Variants in SHISA9 observed in about 807,000 individuals in gnomAD.
The protein encoded by SHISA9 is protein shisa-9.
SHISA9 carries 13 observed loss-of-function variants against 38.0 expected under a neutral mutation model. The observed-to-expected ratio is 0.34, with a 90% CI of 0.22 to 0.54. The LOEUF (loss-of-function observed/expected upper bound fraction) is 0.54, where lower values mean the gene tolerates loss of function less well. SHISA9 is among the 20% of genes least tolerant of loss of function. The pLI, the probability that SHISA9 is intolerant of heterozygous loss-of-function variation, is 0.91. For synonymous variants in SHISA9, 275 were observed against 242.0 expected (o/e 1.14, Z -1.27); for missense variants, 538 against 575.8 (o/e 0.93, Z 0.67).
chr16:13,358,553 A>C, the SHISA9 span, among the ~76,000 whole-genome samples: 4 of 152,186 alleles, frequency 2.6e-5, no homozygotes, highest in Non-Finnish European at 4.4e-5. Context: ...CAATTCCTCT[A>C]TCTCTTCCCA....
At chr16:13,221,227 C>A (rs1358098952) in intron 4 of SHISA9, among the ~76,000 whole-genome samples, 1 of 152,166 alleles carries the variant, frequency 6.6e-6, no homozygotes, top group Non-Finnish European at 1.5e-5. Flanking sequence ...GCAGCCTCCG[C>A]TACTTGTGTC....
intron 2 of SHISA9, among the ~76,000 whole-genome samples, chr16:13,109,431 T>C (rs1365038542): frequency 1.3e-5 from 2 of 152,204 alleles, no homozygotes; most frequent in African/African-American, 2.4e-5. Context: ...TGCTCAGGGA[T>C]GGGCTGGTGG....
the SHISA9 span, among the ~76,000 whole-genome samples, chr16:13,545,800 T>C: frequency 4.6e-5 from 7 of 152,160 alleles, no homozygotes; most frequent in African/African-American, 1.7e-4. Flanking sequence ...CCGGTCCCGA[T>C]CCGCTTCTAC....
chr16:13,350,941 A>G, the SHISA9 span, among the ~76,000 whole-genome samples: 1 of 152,194 alleles, frequency 6.6e-6, no homozygotes, highest in Non-Finnish European at 1.5e-5. Flanking sequence ...TGAAGCCCGC[A>G]ATATTTTCTA....
intron 2 of SHISA9, among the ~76,000 whole-genome samples, chr16:13,126,225 C>T (rs2050255210): frequency 6.6e-6 from 1 of 152,178 alleles, no homozygotes; most frequent in Non-Finnish European, 1.5e-5. Flanking sequence ...GAAGCCTTCC[C>T]TGGGGCCCTC....
At chr16:13,440,702 G>A in the SHISA9 span, among the ~76,000 whole-genome samples, 175 of 152,278 alleles carry the variant, frequency 1.1e-3, 3 homozygotes, top group East Asian at 0.01. Context: ...GCCGAGGCGG[G>A]CGGATCACGA....
intron 2 of SHISA9, among the ~76,000 whole-genome samples, chr16:13,086,774 A>C (rs2073715157): frequency 6.6e-6 from 1 of 152,226 alleles, no homozygotes; most frequent in African/African-American, 2.4e-5. Flanking sequence ...ATTCTAATAC[A>C]TTATAAGGAA....
chr16:12,970,638 G>A lies in SHISA9; in HGVS notation c.691+53823G>A, dbSNP rs369722582. Among the ~76,000 whole-genome samples, 69 of 144,300 alleles carry A rather than the reference G, an allele frequency of 4.8e-4. No homozygotes were observed. In the South Asian group the frequency reaches 0.014, roughly 30 times the overall value. 94.7% of individuals were successfully genotyped at this position (144,300 alleles called of 152,430 possible). On this transcript the variant is annotated intron_variant, in intron 2 of 4. Transcript: ENST00000558583. ...TGATTCTCCTGCCTCAGCCTCCCAA[G>A]TAGCTGGAACTATAGGCACACACCA...
rs1270713631 is a variant in SHISA9, at chr16:12,907,600, C to G, written c.563+4973C>G. Among the ~76,000 whole-genome samples, 4 of 152,170 alleles carry G rather than the reference C, an allele frequency of 2.6e-5. 1 individual carries two copies. The South Asian group carries it at 8.3e-4, about 32-fold the overall frequency. The stretch of plus-strand genomic sequence containing the variant: ...GACATCCAGTCATTTAAAAATTTCT[C>G]ACTCGCACAAAAACAGGTCTTTCAG... On this transcript the variant is annotated intron_variant, in intron 1 of 4. Coordinates refer to ENST00000558583, the MANE Select transcript of SHISA9 (RefSeq NM_001145204.3).
chr16:13,443,723 C>T, the SHISA9 span, among the ~76,000 whole-genome samples: 49 of 152,304 alleles, frequency 3.2e-4, 1 homozygote, highest in South Asian at 4.6e-3. Context: ...CTATGACACA[C>T]CTGGGAAAGA....
rs572066712 is a variant in SHISA9, at chr16:12,908,314, G to T, written c.563+5687G>T. On this transcript the variant is annotated intron_variant, in intron 1 of 4. Coordinates refer to ENST00000558583, the MANE Select transcript of SHISA9 (RefSeq NM_001145204.3). ...TTGCATTTGAATCTGAGTGGGAGGGGCTGGCAGGTGCAGAATAGGAGGGAG... is the reference window on the plus strand; with the variant it reads ...TTGCATTTGAATCTGAGTGGGAGGGTCTGGCAGGTGCAGAATAGGAGGGAG... Among the ~76,000 whole-genome samples the T allele has an allele frequency of 1.8e-4, 27 of 152,290 alleles. No individual in the cohort carries two copies. In the South Asian group the frequency reaches 4.4e-3, roughly 25 times the overall value.
chr16:13,280,742 C>T, the SHISA9 span, among the ~76,000 whole-genome samples: 1 of 151,522 alleles, frequency 6.6e-6, no homozygotes. Flanking sequence ...TGTATCATAC[C>T]CACCCTTTAA....
the SHISA9 span, among the ~76,000 whole-genome samples, chr16:13,263,518 C>T: frequency 6.6e-6 from 1 of 152,306 alleles, no homozygotes; most frequent in Non-Finnish European, 1.5e-5. Flanking sequence ...TACCTCTTTG[C>T]CTTCTGCCAT....
chr16:13,203,147 T>C (rs1273867926), intron 2 of SHISA9: 7 of 357,584 alleles, frequency 2.0e-5, no homozygotes, highest in Admixed American at 9.2e-5. Flanking sequence ...CTTAACATGT[T>C]AGTTTAACAT....
chr16:13,562,503 A>C, the SHISA9 span, among the ~76,000 whole-genome samples: 1 of 151,818 alleles, frequency 6.6e-6, no homozygotes, highest in Non-Finnish European at 1.5e-5. Flanking sequence ...GGTGGCAGGC[A>C]CCTGTAGTCC....
the SHISA9 span, among the ~76,000 whole-genome samples, chr16:13,346,986 G>T: frequency 6.6e-6 from 1 of 152,138 alleles, no homozygotes; most frequent in East Asian, 1.9e-4. Flanking sequence ...TTTGTTCTAT[G>T]TAATGTGGCA....
the SHISA9 span, among the ~76,000 whole-genome samples, chr16:13,441,208 G>A: frequency 6.6e-6 from 1 of 152,152 alleles, no homozygotes; most frequent in African/African-American, 2.4e-5. Context: ...TTGTAGAGAA[G>A]GAAACGTAAA....
At chr16:13,113,458 G>T (rs909080408) in intron 2 of SHISA9, among the ~76,000 whole-genome samples, 1 of 152,160 alleles carries the variant, frequency 6.6e-6, no homozygotes, top group African/African-American at 2.4e-5. Context: ...TGCTTGATCT[G>T]TATATCCCGT....
At chr16:13,280,117 CTTTT>C in the SHISA9 span, among the ~76,000 whole-genome samples, 9 of 102,854 alleles carry the variant, frequency 8.8e-5, no homozygotes, top group African/African-American at 3.9e-4. Context: ...CTCTCTTTCT[CTTTT>C]TTTTTTTTTT....
Sources: allele counts gnomAD v4.1 joint callset (sites outside exome capture counted in the v4.1 genomes callset), GRCh38; gene constraint gnomAD v4.1.1; transcripts MANE v1.5; gene names NCBI Gene and HGNC (gene_info 2026-07-23, HGNC 2026-07-21).